The following EDEM3 variants were observed in gnomAD, a reference collection of about 807,000 sequenced individuals.
The protein encoded by EDEM3 is ER degradation-enhancing alpha-mannosidase-like protein 3.
EDEM3 carries 60 observed loss-of-function variants against 110.2 expected under a neutral mutation model. That is an observed-to-expected ratio of 0.54 (90% CI 0.44 to 0.67). EDEM3 has a LOEUF of 0.67. Among genes scored for constraint, EDEM3 ranks in the 30% least tolerant of loss-of-function variants. EDEM3 has a pLI of 0.00. For missense variants in EDEM3, 996 were observed against 1,121.0 expected, an observed-to-expected ratio of 0.89 and a Z score of 1.59; for synonymous variants, 352 against 382.9, an observed-to-expected ratio of 0.92 and a Z score of 0.94.
chr1:184,694,132 T>A lies in EDEM3; in HGVS notation c.2730A>T (p.Ile910=). ...CATTCCAGTCTGCTAATATGGAGTC[T>A]ATAGGCTGGACCTTTTTACCCCAGC... ...NVSWGKKVQP[I]DSILADWNED... Residue 910 remains isoleucine, a synonymous_variant, in exon 20 of 20, where the codon ATA becomes ATT. Coordinates refer to ENST00000318130, the MANE Select transcript of EDEM3 (RefSeq NM_025191.4). 6.2e-7 allele frequency: 1 copy of A among 1,613,442 alleles called. No homozygotes were observed. Among genetic ancestry groups the A allele is most frequent in the Non-Finnish European group, 8.5e-7 (1 of 1,179,608 alleles).
intron 6 of EDEM3, among the ~76,000 whole-genome samples, chr1:184,728,696 A>G (rs909771842): frequency 3.3e-5 from 5 of 150,326 alleles, no homozygotes; most frequent in Non-Finnish European, 5.9e-5. Context: ...CGCAACCTCC[A>G]CCTCCCGGGT....
intron 19 of EDEM3, among the ~76,000 whole-genome samples, chr1:184,696,659 A>G (rs1020131968): frequency 6.6e-6 from 1 of 151,968 alleles, no homozygotes; most frequent in South Asian, 2.1e-4. Flanking sequence ...AAAAAGGTAC[A>G]ATTTAATTAG....
At position 184,737,591 on chromosome 1, in the gene EDEM3, T is replaced by C. The variant is rs747463932; in HGVS notation, c.305+20A>G. The C allele has an allele frequency of 6.2e-7, 1 of 1,611,444 alleles. No homozygotes were observed. The highest frequency in any genetic ancestry group is 1.7e-5 in the Admixed American group (1 of 59,998). On this transcript the variant is annotated intron_variant, in intron 3 of 19. Coordinates refer to ENST00000318130, the MANE Select transcript of EDEM3 (RefSeq NM_025191.4). Reference sequence around the variant, plus strand: ...TTGGGAACTCTGAGATGCCATGCCATGCCCTGTGTTAATACTCACTTTCCC... The same window carrying C: ...TTGGGAACTCTGAGATGCCATGCCACGCCCTGTGTTAATACTCACTTTCCC...
In EDEM3 at chr1:184,692,585, T is replaced by C. The variant is rs1202503748; in HGVS notation, c.*1478A>G. ...CACAACCGTGTTTTAGGAAAAAGTT[T>C]TGTGTAATGTTATGGTAAAGAGAAG... On this transcript the variant is annotated 3_prime_UTR_variant, in exon 20 of 20. Transcript: ENST00000318130. 1.3e-5 allele frequency: 2 copies of C among 152,156 alleles called. No homozygotes were observed. Among genetic ancestry groups the C allele is most frequent in the Non-Finnish European group, 2.9e-5 (2 of 68,004 alleles). 9.4% of individuals were successfully genotyped at this position (152,156 alleles called of 1,614,324 possible). A position where few individuals can be genotyped will look rare whatever the true frequency, so the allele number is the denominator to read the frequency against.
intron 1 of EDEM3, among the ~76,000 whole-genome samples, chr1:184,751,900 T>C (rs1014205403): frequency 2.0e-5 from 3 of 152,164 alleles, no homozygotes; most frequent in Admixed American, 6.5e-5. Flanking sequence ...ATTAAGGGCA[T>C]GCGCCACCAC....
In EDEM3 at chr1:184,712,450, T is replaced by G. The variant is rs144835234; in HGVS notation, c.1519A>C (p.Ile507Leu). Residue 507 changes from isoleucine (I) to leucine (L), a missense_variant, in exon 14 of 20, where the codon ATC (isoleucine) becomes CTC (leucine). Physicochemically the swap from Ile to Leu is conservative, Grantham distance 5 (BLOSUM62 2). Around this residue, in one of 5 missense-constraint regions of EDEM3, gnomAD observed 138 missense variants for 124.3 expected, o/e 1.11. Transcript: ENST00000318130. ...AAACTCACTGTGTTCTTTTTAGAGA[T>G]GCTTTGATTTGTAGTAGAGAGCCAA... ...PLWLSTTNQS[I>L]SKKNTTSEYT... is the part of the protein sequence containing the mutation. 1.1e-4 allele frequency: 183 copies of G among 1,592,066 alleles called. No homozygotes were observed. The South Asian group carries it at 1.8e-3, about 15-fold the overall frequency.
In EDEM3 at chr1:184,712,554, AG is replaced by A; in HGVS notation, c.1414del (p.Leu472CysfsTer13). ...FLAEMFKYLY[L>X]LFADKEDIIF... ...AATGTCTTCTTTATCAGCAAATAAC[AG>A]GTAAAGATATTTAAACATTTCAGCC... On this transcript the variant is annotated frameshift_variant, in exon 14 of 20. Coordinates refer to ENST00000318130, the MANE Select transcript of EDEM3 (RefSeq NM_025191.4). LOFTEE classifies it high-confidence loss of function. 6.4e-7 allele frequency: 1 copy of A among 1,574,338 alleles called. No individual in the cohort carries two copies. The highest frequency in any genetic ancestry group is 8.6e-7 in the Non-Finnish European group (1 of 1,156,672).
At chr1:184,715,799 A>G (rs1237456374) in intron 13 of EDEM3, among the ~76,000 whole-genome samples, 1 of 152,236 alleles carries the variant, frequency 6.6e-6, no homozygotes, top group Admixed American at 6.5e-5. Context: ...TACACAAGGT[A>G]TCTGCTTTTA....
chr1:184,741,240 A>C (rs1289824435), intron 2 of EDEM3, among the ~76,000 whole-genome samples: 1 of 152,040 alleles, frequency 6.6e-6, no homozygotes, highest in Admixed American at 6.6e-5. Flanking sequence ...TCTACTAAAA[A>C]TACAAAAAAT....
intron 3 of EDEM3, 151 bp downstream of exon 3, chr1:184,737,460 A>G (rs1024782483): frequency 1.6e-6 from 1 of 637,410 alleles, no homozygotes; most frequent in Non-Finnish European, 2.6e-6. Context: ...ATAAATGATA[A>G]CAGAAGGGAA....
chr1:184,704,614 C>T (rs1649807216), intron 18 of EDEM3, among the ~76,000 whole-genome samples: 1 of 123,692 alleles, frequency 8.1e-6, no homozygotes, highest in South Asian at 2.7e-4. Context: ...CATGCCACTG[C>T]ACTCTAGCCT....
At chr1:184,698,011 G>T (rs1649419348) in intron 19 of EDEM3, among the ~76,000 whole-genome samples, 1 of 151,454 alleles carries the variant, frequency 6.6e-6, no homozygotes, top group African/African-American at 2.4e-5. Context: ...AAACAGAGAG[G>T]TCCTATAAAA....
intron 19 of EDEM3, among the ~76,000 whole-genome samples, chr1:184,699,630 A>G (rs941516963): frequency 1.3e-5 from 2 of 151,936 alleles, no homozygotes; most frequent in African/African-American, 4.8e-5. Flanking sequence ...ATTCACACCA[A>G]TCAAATTCAG....
In EDEM3 at chr1:184,710,634, G is replaced by A. The variant is rs1650173909; in HGVS notation, c.1692-87C>T. 8 of 1,451,786 alleles carry A rather than the reference G, an allele frequency of 5.5e-6. No homozygotes were observed. The Admixed American group carries it at 1.9e-4, about 34-fold the overall frequency. The allele number at this position is 1,451,786 out of a possible 1,614,324, so 89.9% of individuals were successfully genotyped here. On this transcript the variant is annotated intron_variant, in intron 15 of 19. Coordinates refer to ENST00000318130, the MANE Select transcript of EDEM3 (RefSeq NM_025191.4). Reference sequence around the variant, plus strand: ...ATGTCAAATAAAAATAATGTTACTTGCAAAATTGCTAGTTTTAGAACTAGT... The same window carrying A: ...ATGTCAAATAAAAATAATGTTACTTACAAAATTGCTAGTTTTAGAACTAGT...
intron 1 of EDEM3, 60 bp downstream of exon 1, chr1:184,754,429 G>A (rs994746409): frequency 3.1e-6 from 5 of 1,603,114 alleles, no homozygotes; most frequent in African/African-American, 1.4e-5. Flanking sequence ...CGCAATGACA[G>A]GCACCCCTCC....
intron 16 of EDEM3, among the ~76,000 whole-genome samples, chr1:184,709,279 T>G (rs1650098450): frequency 6.6e-6 from 1 of 152,166 alleles, no homozygotes; most frequent in Non-Finnish European, 1.5e-5. Context: ...AGATGAAAGT[T>G]GAATTTAATA....
intron 13 of EDEM3, among the ~76,000 whole-genome samples, chr1:184,715,008 A>T (rs1215392623): frequency 6.6e-6 from 1 of 152,200 alleles, no homozygotes; most frequent in Non-Finnish European, 1.5e-5. Context: ...AAGACATCTG[A>T]GAGGCACAAC....
At chr1:184,706,513 A>G (rs1649935359) in intron 18 of EDEM3, 130 bp downstream of exon 18, 3 of 702,856 alleles carry the variant, frequency 4.3e-6, no homozygotes, top group African/African-American at 1.8e-5. Flanking sequence ...TGGATTACCT[A>G]TCCTTGTTGT....
Position 184,737,077 on chromosome 1 carries a change from CG to C in EDEM3, c.306-14del, listed in dbSNP as rs746336168. The C allele has an allele frequency of 1.7e-5, 27 of 1,554,050 alleles. 1 individual carries two copies. The highest frequency in any genetic ancestry group is 7.9e-5 in the South Asian group (7 of 88,984). ...TGTCAGAGAAAATCTAAGAAACAAG[CG>C]TTAACAAGATATAAAACATTAGAAT... is the stretch of plus-strand genomic sequence containing the variant. On this transcript the variant is annotated splice_polypyrimidine_tract_variant and intron_variant, in intron 3 of 19. Coordinates refer to ENST00000318130, the MANE Select transcript of EDEM3 (RefSeq NM_025191.4).
Sources: gnomAD v4.1 joint callset for allele counts (sites outside exome capture counted in the v4.1 genomes callset) on GRCh38, gnomAD v4.1.1 for gene constraint, gnomAD v4.1.1 regional missense constraint, MANE v1.5 for transcripts, NCBI Gene and HGNC (gene_info 2026-07-23, HGNC 2026-07-21) for gene names.